Variants in CDH20 observed in about 807,000 individuals in gnomAD.
CDH20 encodes the protein cadherin-20.
Under a neutral mutation model 74.2 loss-of-function variants are expected in CDH20, and 29 were observed. The ratio of observed to expected loss-of-function variants is 0.39; its 90% CI spans 0.29 to 0.53. CDH20 has a LOEUF of 0.53. Ranked by LOEUF, CDH20 falls within the 20% of genes least tolerant of loss-of-function variation. The pLI, the probability that CDH20 is intolerant of heterozygous loss-of-function variation, is 0.69. For missense variants in CDH20, 988 were observed against 1,048.3 expected (o/e 0.94, Z 0.79); for synonymous variants, 469 against 405.4 (o/e 1.16, Z -1.88).
intron 1 of CDH20, among the ~76,000 whole-genome samples, chr18:61,458,777 T>C (rs1054728413): frequency 6.6e-6 from 1 of 152,238 alleles, no homozygotes; most frequent in Non-Finnish European, 1.5e-5. Flanking sequence ...TTGTGTTTGT[T>C]GTGTGGGAAG....
intron 6 of CDH20, among the ~76,000 whole-genome samples, chr18:61,508,863 C>T (rs1286375021): frequency 6.6e-6 from 1 of 152,148 alleles, no homozygotes; most frequent in Non-Finnish European, 1.5e-5. Context: ...TTGTGAACTC[C>T]TGAGCTCAGG....
In CDH20 at chr18:61,536,483, G is replaced by A. The variant is rs990702032; in HGVS notation, c.1272-10G>A. On this transcript the variant is annotated splice_polypyrimidine_tract_variant and intron_variant, in intron 7 of 11. Coordinates refer to ENST00000262717, the MANE Select transcript of CDH20 (RefSeq NM_031891.4). ...AATGCAAATGATGTACGTAATCCAT[G>A]TTTCTGCAGATACTCCATTGATAGA... 2 of 1,613,114 alleles carry A rather than the reference G, an allele frequency of 1.2e-6. No homozygotes were observed. The highest frequency in any genetic ancestry group is 1.7e-6 in the Non-Finnish European group (2 of 1,179,194).
rs1490317225 is a variant in CDH20 at position 61,554,870 on chromosome 18, C to T, written c.*175C>T. ...ACTTGGGTAGATTAAGTTAAATAAG[C>T]AAAAGGAAACCCAGAAGGAAGAGGG... is the stretch of plus-strand genomic sequence containing the variant. On this transcript the variant is annotated 3_prime_UTR_variant, in exon 12 of 12. Coordinates refer to ENST00000262717, the MANE Select transcript of CDH20 (RefSeq NM_031891.4). The T allele has an allele frequency of 2.9e-6, 4 of 1,401,602 alleles. No homozygotes were observed. The Admixed American group carries it at 1.2e-4, about 41-fold the overall frequency. The allele number at this position is 1,401,602 out of a possible 1,614,324, so 86.8% of individuals were successfully genotyped here.
In CDH20 at chr18:61,393,684, T is replaced by C. The variant is rs78687537; in HGVS notation, c.-153+59857T>C. Among the ~76,000 whole-genome samples the C allele has an allele frequency of 5.0e-3, 765 of 152,352 alleles. 6 individuals carry two copies. Among genetic ancestry groups the C allele is most frequent in the African/African-American group, 0.017 (707 of 41,588 alleles). ...TTAGTCAACAGCTCAGTCACTGTCA[T>C]AGAAATGTCTCTGACTTCTTTTAAA... On this transcript the variant is annotated intron_variant, in intron 1 of 11. Coordinates refer to ENST00000262717, the MANE Select transcript of CDH20 (RefSeq NM_031891.4).
At chr18:61,468,708 T>C (rs987210910) in intron 1 of CDH20, among the ~76,000 whole-genome samples, 3 of 152,178 alleles carry the variant, frequency 2.0e-5, no homozygotes, top group Admixed American at 6.5e-5. Context: ...ATCGCTTCCA[T>C]TGCAGCAAGC....
intron 11 of CDH20, among the ~76,000 whole-genome samples, chr18:61,552,365 A>G (rs1913465797): frequency 6.6e-6 from 1 of 151,864 alleles, no homozygotes; most frequent in African/African-American, 2.4e-5. Flanking sequence ...AATATTTGTT[A>G]TGTAATATTT....
At chr18:61,554,145 G>C in intron 11 of CDH20, 45 bp from the exon 12 acceptor site, 1 of 1,574,272 alleles carries the variant, frequency 6.4e-7, no homozygotes, top group South Asian at 1.2e-5. Flanking sequence ...CGCACACACA[G>C]CCACATCTCC....
intron 1 of CDH20, among the ~76,000 whole-genome samples, chr18:61,335,712 C>CA (rs1156675714): frequency 3.3e-5 from 5 of 151,906 alleles, no homozygotes; most frequent in East Asian, 1.9e-4. Context: ...ATTTTGTATC[C>CA]AAAAAAATAC....
At chr18:61,444,332 A>C (rs1789647253) in intron 1 of CDH20, among the ~76,000 whole-genome samples, 1 of 152,150 alleles carries the variant, frequency 6.6e-6, no homozygotes, top group African/African-American at 2.4e-5. Context: ...CAGATAAAAC[A>C]ATTTTTTAAA....
Position 61,433,036 on chromosome 18 carries a change from A to G in CDH20, c.-152-57366A>G, listed in dbSNP as rs1014290748. Among the ~76,000 whole-genome samples, 5 of 152,316 alleles carry G rather than the reference A, an allele frequency of 3.3e-5. No homozygotes were observed. In the East Asian group the frequency reaches 9.6e-4, roughly 29 times the overall value. On this transcript the variant is annotated intron_variant, in intron 1 of 11. Coordinates refer to ENST00000262717, the MANE Select transcript of CDH20 (RefSeq NM_031891.4). ...TATTAGGAGCAGTGTAACTACATGG[A>G]GAGCACTGTTAGACTTAAGATCTTC...
chr18:61,440,463 A>G (rs146755307), intron 1 of CDH20, among the ~76,000 whole-genome samples: 151 of 152,334 alleles, frequency 9.9e-4, no homozygotes, highest in African/African-American at 3.5e-3. Flanking sequence ...ATAGCCGACT[A>G]ATACACTCCT....
At chr18:61,372,121 T>C (rs1271057675) in intron 1 of CDH20, among the ~76,000 whole-genome samples, 1 of 152,114 alleles carries the variant, frequency 6.6e-6, no homozygotes, top group Non-Finnish European at 1.5e-5. Context: ...TAGTGCACAC[T>C]AAATAAAAGT....
rs916935390 is a variant in CDH20 at position 61,353,010 on chromosome 18, G to T, written c.-153+19183G>T. ...ATAGCTCTTCAAACATATAAACAAAGCCAACATGGTCTCCCAGTCAGCCTC... is the reference window on the plus strand; with the variant it reads ...ATAGCTCTTCAAACATATAAACAAATCCAACATGGTCTCCCAGTCAGCCTC... On this transcript the variant is annotated intron_variant, in intron 1 of 11. Transcript: ENST00000262717. The surrounding 1 kb of genome is among the most constrained non-coding windows in gnomAD (Gnocchi z 4.6). Among the ~76,000 whole-genome samples the T allele has an allele frequency of 6.6e-6, 1 of 152,076 alleles. No individual in the cohort carries two copies. Among genetic ancestry groups the T allele is most frequent in the Non-Finnish European group, 1.5e-5 (1 of 68,006 alleles).
Position 61,353,452 on chromosome 18 carries a change from A to G in CDH20, c.-153+19625A>G, listed in dbSNP as rs999491320. On this transcript the variant is annotated intron_variant, in intron 1 of 11. Coordinates refer to ENST00000262717, the MANE Select transcript of CDH20 (RefSeq NM_031891.4). This position sits in a 1 kb window ranked among gnomAD's most constrained non-coding sequence, Gnocchi z 4.6. ...TAGATTCTCATAAAATGGACTTCAT[A>G]TTGCAATACCAGTACTAATCATTTG... Among the ~76,000 whole-genome samples, 10 of 152,196 alleles carry G rather than the reference A, an allele frequency of 6.6e-5. No individual in the cohort carries two copies. Among genetic ancestry groups the G allele is most frequent in the Admixed American group, 5.2e-4 (8 of 15,276 alleles).
At chr18:61,362,287 C>T (rs1910718582) in intron 1 of CDH20, among the ~76,000 whole-genome samples, 1 of 152,094 alleles carries the variant, frequency 6.6e-6, no homozygotes, top group Non-Finnish European at 1.5e-5. Flanking sequence ...CCACATACCC[C>T]CTTTTCTGCA....
intron 1 of CDH20, among the ~76,000 whole-genome samples, chr18:61,361,549 A>T (rs1041918748): frequency 6.6e-6 from 1 of 152,156 alleles, no homozygotes; most frequent in Admixed American, 6.5e-5. Flanking sequence ...TTAAAAATGC[A>T]TCTCTTTGCT....
intron 1 of CDH20, among the ~76,000 whole-genome samples, chr18:61,366,513 T>C (rs1910865910): frequency 6.6e-6 from 1 of 152,180 alleles, no homozygotes; most frequent in Non-Finnish European, 1.5e-5. Context: ...ATCCTTATTC[T>C]TTTTTATAAC....
intron 7 of CDH20, among the ~76,000 whole-genome samples, chr18:61,533,098 TG>T (rs1032410407): frequency 6.6e-6 from 1 of 152,150 alleles, no homozygotes. Flanking sequence ...GAGGCCAGCC[TG>T]GGCAACACAG....
At chr18:61,475,582 C>T (rs1170441257) in intron 1 of CDH20, among the ~76,000 whole-genome samples, 3 of 152,168 alleles carry the variant, frequency 2.0e-5, no homozygotes, top group Non-Finnish European at 4.4e-5. Flanking sequence ...ATCGCTTTTA[C>T]TTGTTGCATA....
Sources: allele counts gnomAD v4.1 joint callset (sites outside exome capture counted in the v4.1 genomes callset), GRCh38; gene constraint gnomAD v4.1.1; non-coding constraint Gnocchi (gnomAD v3.1); transcripts MANE v1.5; gene names NCBI Gene and HGNC (gene_info 2026-07-23, HGNC 2026-07-21).